SRGAP3: variants seen among roughly 807,000 people sequenced by gnomAD.
SRGAP3 encodes the protein SLIT-ROBO Rho GTPase activating protein 3.
A neutral mutation model predicts 121.1 loss-of-function variants in SRGAP3; 39 were observed. That is an observed-to-expected ratio of 0.32 (90% CI 0.25 to 0.42). The LOEUF is 0.42. SRGAP3 is among the 10% of genes least tolerant of loss of function. The pLI is 1.00. For synonymous variants in SRGAP3, 601 were observed against 570.0 expected (o/e 1.05, Z -0.77); for missense variants, 1,213 against 1,470.6 (o/e 0.82, Z 2.86).
In SRGAP3 at chr3:9,342,219, C is replaced by T. The variant is rs961691174; in HGVS notation, n.215-11623G>A. 2.6e-5 allele frequency among the ~76,000 whole-genome samples: 4 copies of T among 151,964 alleles called. No individual in the cohort carries two copies. In the East Asian group the frequency reaches 5.8e-4, roughly 22 times the overall value. ...TACAAAAATTACCTGGGCGTGGTGG[C>T]GCATGCCTATAGTCCCAGCTAATCG... On this transcript the variant is annotated intron_variant and non_coding_transcript_variant, in intron 1 of 3. Coordinates refer to the SRGAP3 transcript ENST00000490889.
chr3:8,995,941 TTTC>T (rs904410525), intron 18 of SRGAP3, among the ~76,000 whole-genome samples: 1 of 152,206 alleles, frequency 6.6e-6, no homozygotes, highest in Non-Finnish European at 1.5e-5. Context: ...CATGCTGAGC[TTTC>T]TTGGGGCTCT....
chr3:9,352,773 CAGTT>C (rs981580853), intron 1 of SRGAP3, among the ~76,000 whole-genome samples: 7 of 152,130 alleles, frequency 4.6e-5, no homozygotes, highest in Non-Finnish European at 1.0e-4. Flanking sequence ...GACTTTAGGC[CAGTT>C]AGTTAGCCTC....
At chr3:9,121,782 C>T (rs572732461) in intron 2 of SRGAP3, among the ~76,000 whole-genome samples, 37 of 152,336 alleles carry the variant, frequency 2.4e-4, no homozygotes, top group Non-Finnish European at 4.3e-4. Flanking sequence ...GATTCCTAAT[C>T]AAGGGGAAGG....
At chr3:9,260,360 A>C (rs1407552541) in intron 3 of SRGAP3, among the ~76,000 whole-genome samples, 2 of 151,976 alleles carry the variant, frequency 1.3e-5, no homozygotes, top group African/African-American at 4.8e-5. Flanking sequence ...TGCTAAGTGG[A>C]CCCCACCCCC....
chr3:9,025,374 T>C (rs1944138678), intron 13 of SRGAP3, 36 bp from the exon 14 acceptor site: 1 of 1,606,830 alleles, frequency 6.2e-7, no homozygotes, highest in Non-Finnish European at 8.5e-7. Context: ...AAATAGTAAA[T>C]CCACGAGACC....
intron 4 of SRGAP3, among the ~76,000 whole-genome samples, chr3:9,074,674 C>T (rs992618465): frequency 8.5e-5 from 13 of 152,242 alleles, no homozygotes; most frequent in African/African-American, 3.1e-4. Flanking sequence ...AGTCTCAGCT[C>T]TCTCCACCAT....
At chr3:9,047,782 C>T (rs912253722) in intron 9 of SRGAP3, among the ~76,000 whole-genome samples, 6 of 152,156 alleles carry the variant, frequency 3.9e-5, no homozygotes, top group Non-Finnish European at 5.9e-5. Context: ...GTAAGGGCCA[C>T]GGGGAGACAA....
chr3:9,109,713 T>C lies in SRGAP3; in HGVS notation c.261-4871A>G, dbSNP rs1200910679. Among the ~76,000 whole-genome samples, 2 of 152,054 alleles carry C rather than the reference T, an allele frequency of 1.3e-5. No homozygotes were observed. The highest frequency in any genetic ancestry group is 2.9e-5 in the Non-Finnish European group (2 of 67,990). ...GCTATGGAGCAGAGAGGAGCCTCCT[T>C]CCCCAGATCTGGTGGTGAGGTTGGT... On this transcript the variant is annotated intron_variant, in intron 2 of 21. Coordinates refer to ENST00000383836, the MANE Select transcript of SRGAP3 (RefSeq NM_014850.4). The surrounding 1 kb of genome is among the most constrained non-coding windows in gnomAD (Gnocchi z 4.4).
chr3:9,159,531 G>A (rs900601139), intron 1 of SRGAP3, among the ~76,000 whole-genome samples: 1 of 152,144 alleles, frequency 6.6e-6, no homozygotes. Context: ...ACAAAGACAC[G>A]ATCCTGGGCT....
At chr3:9,311,277 G>A (rs932520580) in intron 3 of SRGAP3, among the ~76,000 whole-genome samples, 7 of 152,118 alleles carry the variant, frequency 4.6e-5, no homozygotes, top group East Asian at 1.9e-4. Context: ...AGATAATCGC[G>A]AAGAGGCAAG....
At chr3:9,156,008 G>A (rs192403551) in intron 1 of SRGAP3, among the ~76,000 whole-genome samples, 83 of 152,220 alleles carry the variant, frequency 5.5e-4, no homozygotes, top group Admixed American at 9.2e-4. Flanking sequence ...GTAGAGATGG[G>A]GTTTCACCAT....
intron 1 of SRGAP3, among the ~76,000 whole-genome samples, chr3:9,352,118 CCT>C (rs1241974650): frequency 6.6e-6 from 1 of 152,090 alleles, no homozygotes; most frequent in Non-Finnish European, 1.5e-5. Context: ...ATTACCCTCC[CCT>C]GTCCTGCAGT....
chr3:9,013,500 G>T lies in SRGAP3; in HGVS notation c.1955C>A (p.Pro652His), dbSNP rs1453963498. 2 of 1,613,966 alleles carry T rather than the reference G, an allele frequency of 1.2e-6. No individual in the cohort carries two copies. Among genetic ancestry groups the T allele is most frequent in the Non-Finnish European group, 1.7e-6 (2 of 1,180,028 alleles). The change falls in exon 17 of 22, where the codon CCC becomes CAC. Residue 652 changes from proline (P) to histidine (H), a missense_variant. Pro to His is a moderately conservative substitution (Grantham distance 77, BLOSUM62 -2). Coordinates refer to ENST00000383836, the MANE Select transcript of SRGAP3 (RefSeq NM_014850.4). ...SQYSDENMMD[P>H]YNLAICFGPT... ...CCCGAAGCAGATGGCCAGGTTGTAG[G>T]GATCCATCATGTTCTCGTCGCTATA...
chr3:9,185,713 T>TA (rs1221066523), intron 1 of SRGAP3, among the ~76,000 whole-genome samples: 1 of 152,004 alleles, frequency 6.6e-6, no homozygotes, highest in African/African-American at 2.4e-5. Context: ...CTGACTAATT[T>TA]TTTTTTTGAG....
At position 8,985,516 on chromosome 3, in the gene SRGAP3, A is replaced by G. The variant is rs1266560254; in HGVS notation, c.*3T>C. On this transcript the variant is annotated 3_prime_UTR_variant, in exon 22 of 22. Coordinates refer to ENST00000383836, the MANE Select transcript of SRGAP3 (RefSeq NM_014850.4). This position sits in a 1 kb window ranked among gnomAD's most constrained non-coding sequence, Gnocchi z 5.1. Reference sequence around the variant, plus strand: ...GCCACGGCGGCGCGGCCCATCCTGCAGGTCACATGGTGCCCGACTTGTCCG... The same window carrying G: ...GCCACGGCGGCGCGGCCCATCCTGCGGGTCACATGGTGCCCGACTTGTCCG... 3 of 1,598,164 alleles carry G rather than the reference A, an allele frequency of 1.9e-6. No individual in the cohort carries two copies. The highest frequency in any genetic ancestry group is 2.5e-6 in the Non-Finnish European group (3 of 1,179,388).
At chr3:9,256,010 G>A (rs569986781) in intron 3 of SRGAP3, among the ~76,000 whole-genome samples, 35 of 152,160 alleles carry the variant, frequency 2.3e-4, no homozygotes, top group African/African-American at 8.4e-4. Context: ...CCTGCATCTG[G>A]TGTTTGTTCT....
intron 4 of SRGAP3, among the ~76,000 whole-genome samples, chr3:9,076,890 G>A (rs952654369): frequency 6.6e-6 from 1 of 152,152 alleles, no homozygotes; most frequent in Non-Finnish European, 1.5e-5. Context: ...TACCTCCTCT[G>A]TGAGCCCACA....
At chr3:9,125,025 C>T (rs1317485071) in intron 1 of SRGAP3, 108 bp from the exon 2 acceptor site, 25 of 1,305,220 alleles carry the variant, frequency 1.9e-5, no homozygotes, top group Admixed American at 1.7e-4. Flanking sequence ...TCCCTCCTAA[C>T]ACCATCCAGA....
At chr3:8,994,647 A>G (rs1016114029) in intron 18 of SRGAP3, 124 bp from the exon 19 acceptor site, 2 of 1,284,478 alleles carry the variant, frequency 1.6e-6, no homozygotes, top group African/African-American at 2.9e-5. Flanking sequence ...GAACATGGAC[A>G]GAACGCCTGG....
Sources: gnomAD v4.1 joint callset for allele counts (sites outside exome capture counted in the v4.1 genomes callset) on GRCh38, gnomAD v4.1.1 for gene constraint, Gnocchi (gnomAD v3.1) non-coding constraint, MANE v1.5 for transcripts, NCBI Gene and HGNC (gene_info 2026-07-23, HGNC 2026-07-21) for gene names.